WTAP: variants seen among roughly 807,000 people sequenced by gnomAD.
WTAP encodes pre-mRNA-splicing regulator WTAP.
In WTAP, 8 loss-of-function variants were observed where a neutral mutation model predicts 50.0. The ratio of observed to expected loss-of-function variants is 0.16; its 90% CI spans 0.09 to 0.29. The LOEUF is 0.29. Among genes scored for constraint, WTAP ranks in the 10% least tolerant of loss-of-function variants. The probability of loss-of-function intolerance (pLI) is 1.00; values close to 1 mark genes in which losing one functional copy is unlikely to be tolerated. For synonymous variants in WTAP, 194 were observed against 169.0 expected, an observed-to-expected ratio of 1.15 and a Z score of -1.15; for missense variants, 295 against 470.7, an observed-to-expected ratio of 0.63 and a Z score of 3.45.
rs1407287168 is a variant in WTAP at position 159,727,598 on chromosome 6, A to G, written c.-114A>G. 10 of 986,462 alleles carry G rather than the reference A, an allele frequency of 1.0e-5. No individual in the cohort carries two copies. The East Asian group carries it at 5.7e-4, about 56-fold the overall frequency. The allele number at this position is 986,462 out of a possible 1,614,324, so 61.1% of individuals were successfully genotyped here. On this transcript the variant is annotated 5_prime_UTR_variant, in exon 1 of 8. Coordinates refer to ENST00000621533, the MANE Select transcript of WTAP (RefSeq NM_001270531.2). The stretch of plus-strand genomic sequence containing the variant: ...CTAGGAGCGCGGCGGGGCCGGCGGC[A>G]GAGCTGTCCGGCTGCGCGGTGGCCC...
upstream of WTAP, chr6:159,726,829 G>C: frequency 7.8e-7 from 1 of 1,289,192 alleles, no homozygotes; most frequent in South Asian, 1.2e-5. Flanking sequence ...GAAGGCATCG[G>C]TTTCTAAGTT....
upstream of WTAP, chr6:159,726,807 A>C: frequency 1.6e-6 from 2 of 1,289,202 alleles, no homozygotes; most frequent in Non-Finnish European, 2.0e-6. Flanking sequence ...GCGCCTCACG[A>C]CTGATGAGAG....
rs374008404 is a variant in WTAP, at chr6:159,755,305, G to A, written c.885G>A (p.Glu295=). 1.3e-5 allele frequency: 21 copies of A among 1,614,124 alleles called. No homozygotes were observed. Among genetic ancestry groups the A allele is most frequent in the Non-Finnish European group, 1.7e-5 (20 of 1,180,052 alleles). The change falls in exon 8 of 8, where the codon GAG becomes GAA. Residue 295 remains glutamate, a synonymous_variant. Coordinates refer to ENST00000621533, the MANE Select transcript of WTAP (RefSeq NM_001270531.2). ...QRTSGSGFHR[E]GNTTEDDFPS... ...CGTCTGGGTCTGGATTTCACAGGGA[G>A]GGCAACACAACCGAAGATGACTTTC...
chr6:159,742,057 A>G (rs754803991), intron 3 of WTAP, 31 bp from the exon 4 acceptor site: 2 of 1,487,208 alleles, frequency 1.3e-6, no homozygotes, highest in Middle Eastern at 2.0e-4. Flanking sequence ...ATTTTATCGT[A>G]ACAACTAATG....
At chr6:159,729,738 C>G (rs572638496) in intron 1 of WTAP, among the ~76,000 whole-genome samples, 1 of 152,318 alleles carries the variant, frequency 6.6e-6, no homozygotes, top group South Asian at 2.1e-4. Flanking sequence ...CCTTTCAGTT[C>G]CTCATCAGTA....
At chr6:159,750,747 A>G (rs1333378856) in intron 6 of WTAP, among the ~76,000 whole-genome samples, 5 of 152,032 alleles carry the variant, frequency 3.3e-5, no homozygotes, top group South Asian at 2.1e-4. Flanking sequence ...TGAATCACTT[A>G]TAAATGGATT....
chr6:159,728,700 T>A (rs1273271988), intron 1 of WTAP, among the ~76,000 whole-genome samples: 1 of 152,234 alleles, frequency 6.6e-6, no homozygotes, highest in East Asian at 1.9e-4. Context: ...ACATTTTAAT[T>A]CATTCAAGTA....
Position 159,755,760 on chromosome 6 carries a change from CTTTTCTTTTT to C in WTAP, c.*154_*163del. On this transcript the variant is annotated 3_prime_UTR_variant, in exon 8 of 8. Transcript: ENST00000621533. ...TGTTTTTTTTCTTTGTTTTTTTTTTCTTTTCTTTTTTTTTTTTTTTTTTTTTTTTTGCTTC... is the reference window on the plus strand; with the variant it reads ...TGTTTTTTTTCTTTGTTTTTTTTTTCTTTTTTTTTTTTTTTTTTTTGCTTC... The C allele has an allele frequency of 3.5e-6, 1 of 281,890 alleles. No individual in the cohort carries two copies. The highest frequency in any genetic ancestry group is 4.7e-6 in the Non-Finnish European group (1 of 212,246). The allele number at this position is 281,890 out of a possible 1,614,324, so 17.5% of individuals were successfully genotyped here. A position where few individuals can be genotyped will look rare whatever the true frequency, so the allele number is the denominator to read the frequency against.
intron 4 of WTAP, 96 bp downstream of exon 4, chr6:159,742,242 T>G: frequency 9.2e-7 from 1 of 1,088,452 alleles, no homozygotes; most frequent in Non-Finnish European, 1.3e-6. Context: ...AATGTAATTT[T>G]TCTCGTGTTT....
At chr6:159,753,883 AG>A (rs1200072747) in intron 7 of WTAP, among the ~76,000 whole-genome samples, 1 of 152,172 alleles carries the variant, frequency 6.6e-6, no homozygotes, top group African/African-American at 2.4e-5. Context: ...AAAAGATAAA[AG>A]GGTGTTGTAT....
intron 5 of WTAP, among the ~76,000 whole-genome samples, chr6:159,745,651 A>C (rs1779531689): frequency 6.6e-6 from 1 of 152,130 alleles, no homozygotes; most frequent in African/African-American, 2.4e-5. Flanking sequence ...GGTATTCTAG[A>C]AGAGAGGGGA....
At chr6:159,735,547 G>A (rs1232836551) in intron 1 of WTAP, among the ~76,000 whole-genome samples, 1 of 152,076 alleles carries the variant, frequency 6.6e-6, no homozygotes, top group Non-Finnish European at 1.5e-5. Flanking sequence ...TCAGGAGTTC[G>A]AGACCAGCCT....
intron 3 of WTAP, among the ~76,000 whole-genome samples, chr6:159,739,270 C>T (rs1398681333): frequency 6.6e-6 from 1 of 152,086 alleles, no homozygotes; most frequent in African/African-American, 2.4e-5. Flanking sequence ...AAATATATGG[C>T]TTGTTTTGTG....
At chr6:159,735,488 T>C (rs1285185109) in intron 1 of WTAP, among the ~76,000 whole-genome samples, 2 of 152,196 alleles carry the variant, frequency 1.3e-5, no homozygotes, top group African/African-American at 4.8e-5. Flanking sequence ...TGGTGGTTCA[T>C]TCCTGTAATC....
chr6:159,730,786 C>G (rs941586176), intron 1 of WTAP: 3 of 152,088 alleles, frequency 2.0e-5, no homozygotes, highest in African/African-American at 7.2e-5. Context: ...AGACATTTAT[C>G]CAAAATCTGT....
At chr6:159,734,375 C>CAAA (rs67668924) in intron 1 of WTAP, among the ~76,000 whole-genome samples, 9 of 130,772 alleles carry the variant, frequency 6.9e-5, no homozygotes, top group Non-Finnish European at 1.3e-4. Context: ...GACTCCATCT[C>CAAA]AAAAAAAAAA....
chr6:159,730,906 C>T (rs759201477), intron 1 of WTAP: 21 of 151,862 alleles, frequency 1.4e-4, no homozygotes, highest in East Asian at 7.7e-4. Context: ...TTAAAAAGAA[C>T]ATAAGCCAAT....
chr6:159,735,330 C>T (rs73601303), intron 1 of WTAP, among the ~76,000 whole-genome samples: 4 of 152,064 alleles, frequency 2.6e-5, no homozygotes, highest in South Asian at 2.1e-4. Context: ...TGGTAGAGAC[C>T]GAGTTTCACC....
chr6:159,748,226 G>A lies in WTAP; in HGVS notation c.309G>A (p.Pro103=), dbSNP rs7766006. Residue 103 remains proline, a synonymous_variant, in exon 6 of 8, where the codon CCG becomes CCA. Coordinates refer to ENST00000621533, the MANE Select transcript of WTAP (RefSeq NM_001270531.2). This position sits in a 1 kb window ranked among gnomAD's most constrained non-coding sequence, Gnocchi z 5.6. ...QIQYLKQVQQ[P]SVAQLRSTMV... ...AGTACCTCAAGCAAGTCCAGCAGCC[G>A]AGCGTTGCCCAACTGAGATCAACAA... is the stretch of plus-strand genomic sequence containing the variant. 6 of 1,613,546 alleles carry A rather than the reference G, an allele frequency of 3.7e-6. No homozygotes were observed. The highest frequency in any genetic ancestry group is 1.3e-5 in the African/African-American group (1 of 74,906).
Sources: gnomAD v4.1 joint callset for allele counts (sites outside exome capture counted in the v4.1 genomes callset) on GRCh38, gnomAD v4.1.1 for gene constraint, Gnocchi (gnomAD v3.1) non-coding constraint, MANE v1.5 for transcripts, NCBI Gene and HGNC (gene_info 2026-07-23, HGNC 2026-07-21) for gene names.